The following IKBIP variants were observed in gnomAD, a reference collection of about 807,000 sequenced individuals.
The protein encoded by IKBIP is IKBKB interacting protein, also known as inhibitor of nuclear factor kappa-B kinase-interacting protein.
A neutral mutation model predicts 31.0 loss-of-function variants in IKBIP; 28 were observed. The observed-to-expected ratio is 0.90, with a 90% CI of 0.67 to 1.24. The LOEUF (loss-of-function observed/expected upper bound fraction) is 1.24. Ranked by LOEUF, IKBIP falls within the 50% of genes most tolerant of loss-of-function variation. The probability of loss-of-function intolerance (pLI) is 0.00; values close to 1 mark genes in which losing one functional copy is unlikely to be tolerated. For synonymous variants in IKBIP, 164 were observed against 160.3 expected (o/e 1.02, Z -0.17); for missense variants, 453 against 441.9 (o/e 1.03, Z -0.23).
At position 98,644,633 on chromosome 12, in the gene IKBIP, C is replaced by T; in HGVS notation, c.69G>A (p.Arg23=). 1 of 1,610,948 alleles carries T rather than the reference C, an allele frequency of 6.2e-7. No individual in the cohort carries two copies. The highest frequency in any genetic ancestry group is 8.5e-7 in the Non-Finnish European group (1 of 1,179,282). ...CCACGGGGGTCTTCCCGCCCTCGCT[C>T]CGCTTCCCGGGCTCCGCAGCAGGGG... ...KGAPAAEPGK[R]SEGGKTPVAR... Residue 23 remains arginine, a synonymous_variant, in exon 1 of 3, where the codon CGG becomes CGA. Coordinates refer to ENST00000299157, the MANE Select transcript of IKBIP (RefSeq NM_153687.4).
chr12:98,631,978 C>T (rs573436150), intron 2 of IKBIP, among the ~76,000 whole-genome samples: 2 of 151,530 alleles, frequency 1.3e-5, no homozygotes, highest in Non-Finnish European at 2.9e-5. Flanking sequence ...GCCTCAGCCT[C>T]CCGAGTAGCT....
At chr12:98,617,496 G>C (rs1355210630) in intron 2 of IKBIP, among the ~76,000 whole-genome samples, 1 of 152,180 alleles carries the variant, frequency 6.6e-6, no homozygotes, top group Non-Finnish European at 1.5e-5. Context: ...CAGTGTTGGG[G>C]AGTTGAGTAT....
At chr12:98,613,540 G>A (rs2097604413) in exon 3 of IKBIP, 2 of 924,198 alleles carry the variant, frequency 2.2e-6, no homozygotes, top group Non-Finnish European at 3.2e-6. Context: ...CTCATGAGAG[G>A]TCCCATTAAA....
At position 98,640,910 on chromosome 12, in the gene IKBIP, C is replaced by T. The variant is rs1363656731; in HGVS notation, c.179+3613G>A. On this transcript the variant is annotated intron_variant, in intron 1 of 2. Transcript: ENST00000299157. ...CCAAGTAGCTGGGACTACAGGCATG[C>T]GCCACCATGCCTGGCTAATTTTTTG... Among the ~76,000 whole-genome samples the T allele has an allele frequency of 1.6e-4, 24 of 151,988 alleles. 1 individual carries two copies. The highest frequency in any genetic ancestry group is 1.6e-3 in the Admixed American group (24 of 15,254).
intron 2 of IKBIP, among the ~76,000 whole-genome samples, chr12:98,632,720 G>A (rs2097622159): frequency 6.7e-6 from 1 of 148,454 alleles, no homozygotes. Flanking sequence ...TGCCTCCCAG[G>A]TTCAAGCAAT....
chr12:98,614,388 C>T, intron 2 of IKBIP: 1 of 982,196 alleles, frequency 1.0e-6, no homozygotes, highest in Non-Finnish European at 1.4e-6. Context: ...TAGAAGCTTA[C>T]CATTTAAAAT....
chr12:98,641,005 C>T (rs2097629891), intron 1 of IKBIP, among the ~76,000 whole-genome samples: 1 of 152,190 alleles, frequency 6.6e-6, no homozygotes, highest in African/African-American at 2.4e-5. Flanking sequence ...TCAAGATCCG[C>T]CCAACTCGGC....
intron 2 of IKBIP, among the ~76,000 whole-genome samples, chr12:98,617,538 T>C (rs2097606954): frequency 6.6e-6 from 1 of 152,220 alleles, no homozygotes; most frequent in Admixed American, 6.6e-5. Flanking sequence ...GACATTTTAT[T>C]GCATTGTGCC....
Position 98,626,084 on chromosome 12 carries a change from C to A in IKBIP, c.980G>T (p.Gly327Val), listed in dbSNP as rs867721802. 5.0e-6 allele frequency: 8 copies of A among 1,599,872 alleles called. No individual in the cohort carries two copies. The African/African-American group carries it at 6.7e-5, about 13-fold the overall frequency. ...EIMEMQKTLE[G>V]IQYDNSILKM... Reference sequence around the variant, plus strand: ...TAATATGCTATTATCATACTGAATTCCTTCAAGGGTTTTCTGCATCTCCAT... The same window carrying A: ...TAATATGCTATTATCATACTGAATTACTTCAAGGGTTTTCTGCATCTCCAT... The change falls in exon 3 of 3, where the codon GGA becomes GTA. Residue 327 changes from glycine to valine, a missense_variant. By Grantham distance (109) the Gly-to-Val change is moderately radical (BLOSUM62 -3). Coordinates refer to ENST00000299157, the MANE Select transcript of IKBIP (RefSeq NM_153687.4).
At chr12:98,621,013 C>G (rs562082474), downstream of IKBIP, among the ~76,000 whole-genome samples, 2 of 152,110 alleles carry the variant, frequency 1.3e-5, no homozygotes, top group East Asian at 3.9e-4. Context: ...TTTGGGAGGC[C>G]GAGGTGGGTG....
chr12:98,613,580 T>C, exon 3 of IKBIP: 1 of 1,431,314 alleles, frequency 7.0e-7, no homozygotes, highest in Non-Finnish European at 9.4e-7. Flanking sequence ...CTCAATAATG[T>C]CAAACTAATT....
In IKBIP at chr12:98,624,566, A is replaced by C. The variant is rs959068468; in HGVS notation, c.*1364T>G. On this transcript the variant is annotated 3_prime_UTR_variant, in exon 3 of 3. Transcript: ENST00000299157. Reference sequence around the variant, plus strand: ...CAAGTTCTTTGTGTTTAATTCCATCAAAAACTGCATTATAAAACTGGTAAG... The same window carrying C: ...CAAGTTCTTTGTGTTTAATTCCATCCAAAACTGCATTATAAAACTGGTAAG... The C allele has an allele frequency of 1.0e-6, 1 of 970,558 alleles. No individual in the cohort carries two copies. 60.1% of individuals were successfully genotyped at this position (970,558 alleles called of 1,614,324 possible). A position where few individuals can be genotyped will look rare whatever the true frequency, so the allele number is the denominator to read the frequency against.
rs375489943 is a variant in IKBIP, at chr12:98,626,741, T to C, written c.323A>G (p.Gln108Arg). Residue 108 changes from glutamine to arginine, a missense_variant, in exon 3 of 3, where the codon CAG becomes CGG. Transcript: ENST00000299157. ...EKLESTESIL[Q>R]EATSSMSLMT... ...CAAAGACATGGATGATGTAGCTTCCTGCAGGATGCTTTCAGTAGACTCAAG... is the reference window on the plus strand; with the variant it reads ...CAAAGACATGGATGATGTAGCTTCCCGCAGGATGCTTTCAGTAGACTCAAG... 4 of 1,607,596 alleles carry C rather than the reference T, an allele frequency of 2.5e-6. No homozygotes were observed. Among genetic ancestry groups the C allele is most frequent in the Non-Finnish European group, 3.4e-6 (4 of 1,176,158 alleles).
chr12:98,634,521 T>C (rs1342424787), intron 1 of IKBIP, 108 bp from the exon 2 acceptor site: 6 of 567,620 alleles, frequency 1.1e-5, no homozygotes, highest in Non-Finnish European at 1.9e-5. Flanking sequence ...AATTCTGGTA[T>C]GGGTAGCTGT....
At chr12:98,642,893 G>A (rs186969057) in intron 1 of IKBIP, among the ~76,000 whole-genome samples, 8 of 151,192 alleles carry the variant, frequency 5.3e-5, no homozygotes, top group African/African-American at 1.9e-4. Flanking sequence ...GCCACTGCCG[G>A]CAGGCTGACA....
At chr12:98,623,560 C>CT (rs35433597), downstream of IKBIP, among the ~76,000 whole-genome samples, 365 of 64,172 alleles carry the variant, frequency 5.7e-3, 4 homozygotes, top group East Asian at 0.047. Flanking sequence ...CCTCCTTACA[C>CT]TTTTTTTTTT....
rs759884345 is a variant in IKBIP at position 98,626,761 on chromosome 12, C to T, written c.303G>A (p.Glu101=). 6.3e-7 allele frequency: 1 copy of T among 1,592,426 alleles called. No individual in the cohort carries two copies. Among genetic ancestry groups the T allele is most frequent in the South Asian group, 1.1e-5 (1 of 87,640 alleles). The change falls in exon 3 of 3, where the codon GAG becomes GAA. Residue 101 remains glutamate (E), a synonymous_variant. Coordinates refer to ENST00000299157, the MANE Select transcript of IKBIP (RefSeq NM_153687.4). ...SKISLISEKL[E]STESILQEAT... ...CTTCCTGCAGGATGCTTTCAGTAGA[C>T]TCAAGCTGCATTTATAACACAAAAC...
chr12:98,638,933 C>T (rs781772502), intron 1 of IKBIP, among the ~76,000 whole-genome samples: 104 of 152,334 alleles, frequency 6.8e-4, no homozygotes, highest in Middle Eastern at 3.4e-3. Flanking sequence ...AAGTGTGAGC[C>T]ACCATGCCTG....
At chr12:98,624,226 G>A (rs1360782171), downstream of IKBIP, 112 of 943,442 alleles carry the variant, frequency 1.2e-4, no homozygotes, top group Non-Finnish European at 1.4e-4. Flanking sequence ...ACAGGATGGA[G>A]GTTAAAACAA....
Sources: allele counts gnomAD v4.1 joint callset (sites outside exome capture counted in the v4.1 genomes callset), GRCh38; gene constraint gnomAD v4.1.1; transcripts MANE v1.5; gene names NCBI Gene and HGNC (gene_info 2026-07-23, HGNC 2026-07-21).